FRAS1: variants seen among roughly 807,000 people sequenced by gnomAD.
FRAS1 encodes the protein extracellular matrix organizing protein FRAS1.
Under a neutral mutation model 435.2 loss-of-function variants are expected in FRAS1, and 290 were observed. The observed-to-expected ratio is 0.67, with a 90% CI of 0.61 to 0.73. The LOEUF is 0.73. FRAS1 is among the 30% of genes least tolerant of loss of function. FRAS1 has a pLI of 0.00. For missense variants in FRAS1, 4,860 were observed against 5,001.5 expected (o/e 0.97, Z 0.85); for synonymous variants, 1,800 against 1,851.0 (o/e 0.97, Z 0.71).
In FRAS1 at chr4:78,451,596, G is replaced by A. The variant is rs1355999989; in HGVS notation, c.6464-176G>A. Among the ~76,000 whole-genome samples, 4 of 152,204 alleles carry A rather than the reference G, an allele frequency of 2.6e-5. No individual in the cohort carries two copies. In the East Asian group the frequency reaches 7.7e-4, roughly 29 times the overall value. On this transcript the variant is annotated intron_variant, in intron 45 of 73. Transcript: ENST00000512123. ...CTTTGGTTATGAGAAAGTAGATGGTGGGAGAGGAAAAGGAGGAAATGAAAA... is the reference window on the plus strand; with the variant it reads ...CTTTGGTTATGAGAAAGTAGATGGTAGGAGAGGAAAAGGAGGAAATGAAAA...
chr4:78,327,603 T>TA (rs1188537823), intron 18 of FRAS1, among the ~76,000 whole-genome samples: 2 of 152,190 alleles, frequency 1.3e-5, no homozygotes, highest in Admixed American at 1.3e-4. Flanking sequence ...GCAGCTCACT[T>TA]ATGCTTTTTC....
chr4:78,364,567 A>G lies in FRAS1; in HGVS notation c.2722+513A>G, dbSNP rs187064594. The stretch of plus-strand genomic sequence containing the variant: ...CCAAACAGTAGTTATTTGGACTTGT[A>G]TGGGAGTTACTTATATAGATGTCTT... On this transcript the variant is annotated intron_variant, in intron 22 of 73. Transcript: ENST00000512123. Among the ~76,000 whole-genome samples the G allele has an allele frequency of 8.7e-4, 132 of 152,316 alleles. 1 individual carries two copies. Among genetic ancestry groups the G allele is most frequent in the African/African-American group, 3.1e-3 (127 of 41,576 alleles).
Position 78,507,507 on chromosome 4 carries a change from G to C in FRAS1, c.9403G>C (p.Asp3135His), listed in dbSNP as rs923559268. The change falls in exon 62 of 74, where the codon GAT (aspartate) becomes CAT (histidine). Residue 3135 changes from aspartate to histidine, a missense_variant. Transcript: ENST00000512123. ...HESFSLVLGPDDPVEAVLGDV... is the reference protein window; with the variant it reads ...HESFSLVLGPHDPVEAVLGDV... ...ATCTTTCTCACTAGTCCTTGGCCCA[G>C]ATGACCCAGTGGAAGCAGTTCTTGG... The C allele has an allele frequency of 6.2e-7, 1 of 1,612,464 alleles. No homozygotes were observed. Among genetic ancestry groups the C allele is most frequent in the African/African-American group, 1.3e-5 (1 of 74,862 alleles).
chr4:78,117,487 G>GT (rs949004006), intron 2 of FRAS1, among the ~76,000 whole-genome samples: 1 of 152,052 alleles, frequency 6.6e-6, no homozygotes, highest in African/African-American at 2.4e-5. Flanking sequence ...CGTAGATTTG[G>GT]TTTTTTCACA....
chr4:78,542,244 G>C lies in FRAS1; in HGVS notation c.*1120G>C, dbSNP rs1722078213. Reference sequence around the variant, plus strand: ...TGCAGTATTTCAGGGATTTCTCTTTGAGGGGTTCTTTTCTGGTAGCTCAGG... The same window carrying C: ...TGCAGTATTTCAGGGATTTCTCTTTCAGGGGTTCTTTTCTGGTAGCTCAGG... On this transcript the variant is annotated 3_prime_UTR_variant, in exon 74 of 74. Coordinates refer to ENST00000512123, the MANE Select transcript of FRAS1 (RefSeq NM_025074.7). The C allele has an allele frequency of 6.6e-6, 1 of 152,234 alleles. No homozygotes were observed. The highest frequency in any genetic ancestry group is 2.1e-4 in the South Asian group (1 of 4,834). 9.4% of individuals were successfully genotyped at this position (152,234 alleles called of 1,614,324 possible).
intron 2 of FRAS1, among the ~76,000 whole-genome samples, chr4:78,193,679 T>A (rs1722657575): frequency 6.6e-6 from 1 of 152,206 alleles, no homozygotes; most frequent in African/African-American, 2.4e-5. Flanking sequence ...GCACGTGAGA[T>A]GGGTTACCTG....
In FRAS1 at chr4:78,513,375, T is replaced by C; in HGVS notation, c.10014-17T>C. 4 of 1,613,224 alleles carry C rather than the reference T, an allele frequency of 2.5e-6. No individual in the cohort carries two copies. The highest frequency in any genetic ancestry group is 3.4e-6 in the Non-Finnish European group (4 of 1,179,432). On this transcript the variant is annotated splice_polypyrimidine_tract_variant and intron_variant, in intron 64 of 73. Transcript: ENST00000512123. Reference sequence around the variant, plus strand: ...TAGCAGTCAGCTAAACATTTATTTCTGCCTTTTTCCCCCTAGAATCCACAT... The same window carrying C: ...TAGCAGTCAGCTAAACATTTATTTCCGCCTTTTTCCCCCTAGAATCCACAT...
chr4:78,092,422 G>C (rs779983358), intron 2 of FRAS1, among the ~76,000 whole-genome samples: 4 of 152,184 alleles, frequency 2.6e-5, no homozygotes, highest in Non-Finnish European at 5.9e-5. Flanking sequence ...AGGCAAGGAG[G>C]AGCAAGTCAC....
chr4:78,181,593 A>C lies in FRAS1; in HGVS notation c.109-55917A>C, dbSNP rs1456615564. On this transcript the variant is annotated intron_variant, in intron 2 of 73. Transcript: ENST00000512123. ...CGGTCAATAATCGGTCTATCAACTGAAAATTAGCCTCCTTCACCCTTTTCT... is the reference window on the plus strand; with the variant it reads ...CGGTCAATAATCGGTCTATCAACTGCAAATTAGCCTCCTTCACCCTTTTCT... 1.9e-6 allele frequency: 3 copies of C among 1,611,236 alleles called. No homozygotes were observed. The Admixed American group carries it at 5.0e-5, about 27-fold the overall frequency.
At chr4:78,158,098 G>A (rs1293253006) in intron 2 of FRAS1, among the ~76,000 whole-genome samples, 1 of 152,158 alleles carries the variant, frequency 6.6e-6, no homozygotes, top group African/African-American at 2.4e-5. Context: ...ATACTTTGAA[G>A]TTAGGTAATG....
At chr4:78,261,423 C>T (rs1293378342) in intron 6 of FRAS1, among the ~76,000 whole-genome samples, 1 of 152,032 alleles carries the variant, frequency 6.6e-6, no homozygotes, top group Non-Finnish European at 1.5e-5. Context: ...CATGCTATCC[C>T]CAAATATAGC....
intron 2 of FRAS1, among the ~76,000 whole-genome samples, chr4:78,220,773 C>G (rs1724017718): frequency 6.6e-6 from 1 of 152,164 alleles, no homozygotes; most frequent in African/African-American, 2.4e-5. Flanking sequence ...TATTTAGCAG[C>G]TCATCTCAAG....
At chr4:78,315,508 C>A in intron 15 of FRAS1, 86 bp from the exon 16 acceptor site, 1 of 1,320,504 alleles carries the variant, frequency 7.6e-7, no homozygotes, top group East Asian at 2.5e-5. Context: ...ATATTGATAC[C>A]CATTGTGGAT....
Position 78,364,332 on chromosome 4 carries a change from A to G in FRAS1, c.2722+278A>G, listed in dbSNP as rs1020795745. 3.3e-5 allele frequency among the ~76,000 whole-genome samples: 5 copies of G among 152,174 alleles called. No homozygotes were observed. In the South Asian group the frequency reaches 8.3e-4, roughly 25 times the overall value. ...GTTATTTAACTTCTCTGTCCAGGTT[A>G]TCTCATTTAAAAAATAAAAGTGTTA... is the stretch of plus-strand genomic sequence containing the variant. On this transcript the variant is annotated intron_variant, in intron 22 of 73. Transcript: ENST00000512123.
chr4:78,119,726 G>C (rs1008049122), intron 2 of FRAS1, among the ~76,000 whole-genome samples: 2 of 152,182 alleles, frequency 1.3e-5, no homozygotes, highest in Non-Finnish European at 2.9e-5. Flanking sequence ...ACGTAACACA[G>C]TTCTGAGGAT....
At chr4:78,499,606 A>G in intron 60 of FRAS1, 115 bp from the exon 61 acceptor site, 2 of 955,494 alleles carry the variant, frequency 2.1e-6, no homozygotes, top group Non-Finnish European at 3.1e-6. Flanking sequence ...TTTTGCCTTC[A>G]TACTGTTAAC....
intron 2 of FRAS1, among the ~76,000 whole-genome samples, chr4:78,221,254 A>G (rs972460665): frequency 3.7e-4 from 57 of 152,186 alleles, no homozygotes; most frequent in African/African-American, 1.3e-3. Context: ...AATATATCAA[A>G]TTTCTTTCAT....
At chr4:78,466,546 A>G (rs1413746439) in intron 50 of FRAS1, 111 bp downstream of exon 50, 10 of 793,722 alleles carry the variant, frequency 1.3e-5, no homozygotes, top group African/African-American at 1.2e-4. Flanking sequence ...ATCAGTAGCT[A>G]GTAGATTGAC....
intron 2 of FRAS1, among the ~76,000 whole-genome samples, chr4:78,075,838 G>A (rs1472956320): frequency 1.3e-5 from 2 of 152,166 alleles, no homozygotes; most frequent in Non-Finnish European, 2.9e-5. Context: ...AAGGCTCTTA[G>A]GATATAGGAT....
Sources: gnomAD v4.1 joint callset for allele counts (sites outside exome capture counted in the v4.1 genomes callset) on GRCh38, gnomAD v4.1.1 for gene constraint, MANE v1.5 for transcripts, NCBI Gene and HGNC (gene_info 2026-07-23, HGNC 2026-07-21) for gene names.